The following CIMIP5 variants were observed in gnomAD, a reference collection of about 807,000 sequenced individuals.
CIMIP5 encodes the protein uncharacterized protein C2orf50.
chr2:11,142,956 G>A, the CIMIP5 span, among the ~76,000 whole-genome samples: 2 of 152,004 alleles, frequency 1.3e-5, no homozygotes, highest in African/African-American at 4.8e-5. Flanking sequence ...TTTCCGCCAA[G>A]GCTTCTCAAA....
chr2:11,150,640 A>T, the CIMIP5 span, among the ~76,000 whole-genome samples: 3 of 148,848 alleles, frequency 2.0e-5, no homozygotes, highest in Admixed American at 1.3e-4. Flanking sequence ...TGGTTTAGGA[A>T]TTTTTTTTTT....
the CIMIP5 span, among the ~76,000 whole-genome samples, chr2:11,136,912 A>AAC: frequency 1.3e-4 from 20 of 152,176 alleles, no homozygotes; most frequent in Non-Finnish European, 2.2e-4. Context: ...GCTGCCAGGA[A>AAC]ACACCAGAGA....
At chr2:11,144,981 AT>A in the CIMIP5 span, 47 of 150,672 alleles carry the variant, frequency 3.1e-4, no homozygotes, top group African/African-American at 9.0e-4. Flanking sequence ...TGCCTGGCTA[AT>A]TTTTTTTTTA....
the CIMIP5 span, chr2:11,133,170 A>T: frequency 1.3e-6 from 1 of 785,728 alleles, no homozygotes; most frequent in Non-Finnish European, 1.9e-6. Flanking sequence ...CCCATCGGCC[A>T]CTCTGAGCTC....
chr2:11,137,187 A>C, the CIMIP5 span, among the ~76,000 whole-genome samples: 77 of 152,304 alleles, frequency 5.1e-4, 1 homozygote, highest in Admixed American at 4.6e-3. Context: ...AGCCTGGCCA[A>C]CATGGTGAAA....
chr2:11,136,602 C>T, the CIMIP5 span, among the ~76,000 whole-genome samples: 772 of 152,182 alleles, frequency 5.1e-3, 11 homozygotes, highest in Non-Finnish European at 5.0e-3. Context: ...CAAATGGACA[C>T]AGGTGTTTTG....
the CIMIP5 span, among the ~76,000 whole-genome samples, chr2:11,143,303 A>T: frequency 6.6e-6 from 1 of 152,154 alleles, no homozygotes; most frequent in Non-Finnish European, 1.5e-5. Context: ...ATGTTGAGAG[A>T]AAGAAGCCAG....
At chr2:11,149,726 A>C in the CIMIP5 span, among the ~76,000 whole-genome samples, 2 of 152,090 alleles carry the variant, frequency 1.3e-5, no homozygotes, top group East Asian at 3.9e-4. Flanking sequence ...TAATTAATTA[A>C]TTAAAATAAA....
chr2:11,144,729 G>A, the CIMIP5 span: 1 of 152,056 alleles, frequency 6.6e-6, no homozygotes, highest in Non-Finnish European at 1.5e-5. Flanking sequence ...CTCCGTCTTT[G>A]AAGCCAGCAT....
chr2:11,146,419 C>T, the CIMIP5 span: 6 of 152,126 alleles, frequency 3.9e-5, no homozygotes, highest in African/African-American at 1.4e-4. Context: ...CCAAATTTAG[C>T]AAATTACAGG....
chr2:11,144,023 C>A, the CIMIP5 span: 10 of 1,607,604 alleles, frequency 6.2e-6, no homozygotes, highest in Non-Finnish European at 8.5e-6. Flanking sequence ...CTGGACACAC[C>A]CCTGGGACAG....
chr2:11,133,643 T>C, the CIMIP5 span: 65 of 1,545,092 alleles, frequency 4.2e-5, no homozygotes, highest in South Asian at 9.4e-5. Flanking sequence ...TGACTGCAAG[T>C]TGGGGAAGGT....
At chr2:11,136,498 C>T in the CIMIP5 span, among the ~76,000 whole-genome samples, 4 of 152,140 alleles carry the variant, frequency 2.6e-5, no homozygotes, top group East Asian at 5.8e-4. Flanking sequence ...GCCTGAACCA[C>T]GTCTAGATGG....
At chr2:11,147,033 C>T in the CIMIP5 span, among the ~76,000 whole-genome samples, 1 of 152,232 alleles carries the variant, frequency 6.6e-6, no homozygotes, top group South Asian at 2.1e-4. Flanking sequence ...TCACTGAGTG[C>T]CCTGGAGGGC....
chr2:11,135,343 C>T, the CIMIP5 span, among the ~76,000 whole-genome samples: 1 of 152,202 alleles, frequency 6.6e-6, no homozygotes, highest in Admixed American at 6.5e-5. Context: ...TTCAGTTTCT[C>T]CACACGCTGG....
At chr2:11,140,457 G>C in the CIMIP5 span, 1 of 1,377,342 alleles carries the variant, frequency 7.3e-7, no homozygotes, top group Non-Finnish European at 1.0e-6. Context: ...GAAAGTCATT[G>C]GTAAAAATGT....
chr2:11,153,012 G>A, the CIMIP5 span, among the ~76,000 whole-genome samples: 13 of 152,306 alleles, frequency 8.5e-5, no homozygotes, highest in African/African-American at 2.9e-4. Flanking sequence ...CCTTCTGAGC[G>A]GGATGGTTCT....
the CIMIP5 span, chr2:11,144,099 G>A: frequency 7.6e-5 from 121 of 1,592,738 alleles, no homozygotes; most frequent in African/African-American, 1.5e-3. Context: ...AGGACCAGAT[G>A]CAGCCCATCT....
chr2:11,154,419 G>T, the CIMIP5 span, among the ~76,000 whole-genome samples: 1 of 152,130 alleles, frequency 6.6e-6, no homozygotes, highest in South Asian at 2.1e-4. Context: ...CCAGAATTCC[G>T]AACTCCGAAG....
Sources: allele counts gnomAD v4.1 joint callset (sites outside exome capture counted in the v4.1 genomes callset), GRCh38; gene constraint gnomAD v4.1.1; transcripts MANE v1.5; gene names NCBI Gene and HGNC (gene_info 2026-07-23, HGNC 2026-07-21).